The following ARHGEF33 variants were observed in gnomAD, a reference collection of about 807,000 sequenced individuals.
ARHGEF33 encodes DH and coiled-coil domain-containing protein ENSP00000381780.
A neutral mutation model predicts 101.9 loss-of-function variants in ARHGEF33; 72 were observed. That is an observed-to-expected ratio of 0.71 (90% confidence interval 0.58 to 0.86). The LOEUF (loss-of-function observed/expected upper bound fraction) is 0.86. ARHGEF33 is among the 40% of genes least tolerant of loss of function. The probability of loss-of-function intolerance (pLI) is 0.00; values close to 1 mark genes in which losing one functional copy is unlikely to be tolerated. For missense variants in ARHGEF33, 1,169 were observed against 1,111.3 expected (o/e 1.05, Z -0.74); for synonymous variants, 499 against 442.5 (o/e 1.13, Z -1.60).
chr2:38,910,438 C>T (rs978612148), intron 2 of ARHGEF33, among the ~76,000 whole-genome samples: 3 of 152,052 alleles, frequency 2.0e-5, no homozygotes, highest in Non-Finnish European at 2.9e-5. Context: ...CTGGGTGTGG[C>T]GGCTTGTGCC....
intron 9 of ARHGEF33, among the ~76,000 whole-genome samples, chr2:38,938,403 C>T (rs529721375): frequency 1.3e-5 from 2 of 152,120 alleles, no homozygotes; most frequent in Non-Finnish European, 2.9e-5. Context: ...GCTGGGCCTC[C>T]TGGCATGTGC....
intron 4 of ARHGEF33, among the ~76,000 whole-genome samples, chr2:38,922,785 A>G (rs962029345): frequency 1.4e-4 from 21 of 152,222 alleles, no homozygotes; most frequent in African/African-American, 5.1e-4. Context: ...TCTGTGGGGA[A>G]GGGATGAATT....
intron 2 of ARHGEF33, among the ~76,000 whole-genome samples, chr2:38,914,274 T>C (rs1666581836): frequency 6.6e-6 from 1 of 152,210 alleles, no homozygotes; most frequent in Admixed American, 6.5e-5. Flanking sequence ...TGTGGCATTG[T>C]TTGCCATGGC....
chr2:38,917,720 T>C (rs893218587), intron 2 of ARHGEF33, among the ~76,000 whole-genome samples: 2 of 151,474 alleles, frequency 1.3e-5, no homozygotes, highest in African/African-American at 2.4e-5. Flanking sequence ...TCCTAGCTAC[T>C]CAGGAGGCTG....
At chr2:38,917,554 G>A (rs977040174) in intron 2 of ARHGEF33, among the ~76,000 whole-genome samples, 1 of 152,004 alleles carries the variant, frequency 6.6e-6, no homozygotes, top group Non-Finnish European at 1.5e-5. Context: ...GTGCGGCCAG[G>A]CATAGTGGCT....
In ARHGEF33 at chr2:38,929,169, G is replaced by A. The variant is rs780443552; in HGVS notation, c.240+98G>A. 6.0e-5 allele frequency: 53 copies of A among 879,888 alleles called. 1 individual carries two copies. The highest frequency in any genetic ancestry group is 2.2e-4 in the South Asian group (12 of 54,960). 54.5% of individuals were successfully genotyped at this position (879,888 alleles called of 1,614,324 possible). A position where few individuals can be genotyped will look rare whatever the true frequency, so the allele number is the denominator to read the frequency against. ...TTTCTGGCTGGGCGTGGTGGCTCACGCCTGTAATCCCAGCACTTTGGGAGG... is the reference window on the plus strand; with the variant it reads ...TTTCTGGCTGGGCGTGGTGGCTCACACCTGTAATCCCAGCACTTTGGGAGG... On this transcript the variant is annotated intron_variant, in intron 5 of 17. Coordinates refer to ENST00000409978, the MANE Select transcript of ARHGEF33 (RefSeq NM_001145451.5).
chr2:38,901,058 A>G (rs533215826), intron 2 of ARHGEF33, among the ~76,000 whole-genome samples: 18 of 152,058 alleles, frequency 1.2e-4, no homozygotes, highest in Non-Finnish European at 2.4e-4. Context: ...GTTGCTACTC[A>G]AGCCTGCATT....
intron 5 of ARHGEF33, 35 bp downstream of exon 5, chr2:38,929,106 A>T (rs1028696801): frequency 6.6e-7 from 1 of 1,519,162 alleles, no homozygotes; most frequent in Non-Finnish European, 8.9e-7. Flanking sequence ...CTGACAAGAG[A>T]ATTTTGGTCT....
intron 2 of ARHGEF33, among the ~76,000 whole-genome samples, chr2:38,898,266 A>T (rs1272794406): frequency 6.6e-6 from 1 of 152,234 alleles, no homozygotes; most frequent in Non-Finnish European, 1.5e-5. Flanking sequence ...TGCTTTTACA[A>T]AGGAAGTTGG....
intron 2 of ARHGEF33, among the ~76,000 whole-genome samples, chr2:38,901,752 A>G (rs888560780): frequency 1.3e-5 from 2 of 152,158 alleles, no homozygotes; most frequent in African/African-American, 2.4e-5. Context: ...TATTTAAATC[A>G]TGGACTTGGG....
chr2:38,909,361 G>T (rs191873321), intron 2 of ARHGEF33, among the ~76,000 whole-genome samples: 1 of 151,598 alleles, frequency 6.6e-6, no homozygotes, highest in East Asian at 1.9e-4. Context: ...TCACTCTGCC[G>T]CCCAGGCTGG....
chr2:38,942,143 T>A (rs1336232934), intron 9 of ARHGEF33, among the ~76,000 whole-genome samples: 1 of 151,412 alleles, frequency 6.6e-6, no homozygotes, highest in Non-Finnish European at 1.5e-5. Flanking sequence ...CTTCTATTTT[T>A]CTTCAATACA....
intron 2 of ARHGEF33, among the ~76,000 whole-genome samples, chr2:38,913,770 GA>G (rs539922559): frequency 0.01 from 1,330 of 131,792 alleles, 11 homozygotes; most frequent in Non-Finnish European, 0.016. Context: ...CTCTGTCTCA[GA>G]AAAAAAAAAA....
chr2:38,974,478 T>C lies in ARHGEF33; in HGVS notation c.*635T>C, dbSNP rs1191134686. 6.6e-6 allele frequency: 1 copy of C among 152,242 alleles called. No homozygotes were observed. Among genetic ancestry groups the C allele is most frequent in the Non-Finnish European group, 1.5e-5 (1 of 68,048 alleles). The allele number at this position is 152,242 out of a possible 1,614,324, so 9.4% of individuals were successfully genotyped here. Reference sequence around the variant, plus strand: ...AACACATTGATCTCCAAACTTGTTCTGTGGTTATGGAAATCAGTAAAGGGA... The same window carrying C: ...AACACATTGATCTCCAAACTTGTTCCGTGGTTATGGAAATCAGTAAAGGGA... On this transcript the variant is annotated 3_prime_UTR_variant, in exon 18 of 18. Coordinates refer to ENST00000409978, the MANE Select transcript of ARHGEF33 (RefSeq NM_001145451.5).
At chr2:38,892,827 C>T (rs942064400) in intron 1 of ARHGEF33, among the ~76,000 whole-genome samples, 2 of 152,164 alleles carry the variant, frequency 1.3e-5, no homozygotes, top group African/African-American at 4.8e-5. Context: ...CCCTCCTTTC[C>T]TTTCTAAGAG....
chr2:38,970,742 G>T (rs1396366348), intron 17 of ARHGEF33, among the ~76,000 whole-genome samples: 1 of 152,152 alleles, frequency 6.6e-6, no homozygotes, highest in Non-Finnish European at 1.5e-5. Context: ...GCACATAGTA[G>T]GCACTCAACA....
chr2:38,892,404 T>G (rs927492862), intron 1 of ARHGEF33, among the ~76,000 whole-genome samples: 1 of 110,824 alleles, frequency 9.0e-6, no homozygotes, highest in Non-Finnish European at 2.1e-5. Context: ...AGATGATGCC[T>G]AAAGGTGGGT....
At position 38,944,038 on chromosome 2, in the gene ARHGEF33, T is replaced by A. The variant is rs1451663957; in HGVS notation, c.920+8T>A. ...GAATTCCAAAGAGAGAAGGTATCCATGCACTCATTGCCTTTGCTTTTCAGA... is the reference window on the plus strand; with the variant it reads ...GAATTCCAAAGAGAGAAGGTATCCAAGCACTCATTGCCTTTGCTTTTCAGA... On this transcript the variant is annotated splice_region_variant and intron_variant, in intron 10 of 17. Coordinates refer to ENST00000409978, the MANE Select transcript of ARHGEF33 (RefSeq NM_001145451.5). 6.5e-7 allele frequency: 1 copy of A among 1,543,730 alleles called. No homozygotes were observed. The highest frequency in any genetic ancestry group is 8.7e-7 in the Non-Finnish European group (1 of 1,143,444).
chr2:38,901,739 A>G (rs1666244528), intron 2 of ARHGEF33, among the ~76,000 whole-genome samples: 1 of 152,336 alleles, frequency 6.6e-6, no homozygotes, highest in East Asian at 1.9e-4. Context: ...AAGGTCAATC[A>G]GCTATTTAAA....
Sources: allele counts gnomAD v4.1 joint callset (sites outside exome capture counted in the v4.1 genomes callset), GRCh38; gene constraint gnomAD v4.1.1; transcripts MANE v1.5; gene names NCBI Gene and HGNC (gene_info 2026-07-23, HGNC 2026-07-21).